The following STAC variants were observed in gnomAD, a reference collection of about 807,000 sequenced individuals.
STAC encodes the protein SH3 and cysteine-rich domain-containing protein.
In STAC, 43 loss-of-function variants were observed where a neutral mutation model predicts 48.8. That is an observed-to-expected ratio of 0.88 (90% CI 0.69 to 1.14). The LOEUF is 1.14. Ranked by LOEUF, STAC falls within the 50% of genes most tolerant of loss-of-function variation. The probability of loss-of-function intolerance (pLI) is 0.00; values close to 1 mark genes in which losing one functional copy is unlikely to be tolerated. For synonymous variants in STAC, 193 were observed against 179.5 expected (o/e 1.07, Z -0.60); for missense variants, 497 against 504.0 (o/e 0.99, Z 0.13).
At chr3:36,488,433 C>T (rs1271576878) in intron 5 of STAC, among the ~76,000 whole-genome samples, 3 of 152,206 alleles carry the variant, frequency 2.0e-5, no homozygotes, top group African/African-American at 7.2e-5. Context: ...CAGCCCATCT[C>T]CTTCTCTGAT....
chr3:36,398,122 T>C (rs1699890783), intron 1 of STAC, among the ~76,000 whole-genome samples: 1 of 152,040 alleles, frequency 6.6e-6, no homozygotes, highest in Non-Finnish European at 1.5e-5. Flanking sequence ...TCTAGCTCTC[T>C]GAGCCCGTGC....
At chr3:36,491,249 C>T (rs771772645) in intron 5 of STAC, among the ~76,000 whole-genome samples, 6 of 152,112 alleles carry the variant, frequency 3.9e-5, no homozygotes, top group African/African-American at 1.2e-4. Flanking sequence ...CCAAGGCTGC[C>T]GAGGCATTTG....
intron 8 of STAC, among the ~76,000 whole-genome samples, chr3:36,526,351 C>A (rs1307694424): frequency 6.6e-6 from 1 of 152,138 alleles, no homozygotes; most frequent in Non-Finnish European, 1.5e-5. Context: ...TCTGAACTGG[C>A]CTTGAGACTT....
intron 2 of STAC, among the ~76,000 whole-genome samples, chr3:36,464,807 C>T (rs1697119528): frequency 6.6e-6 from 1 of 151,522 alleles, no homozygotes; most frequent in African/African-American, 2.4e-5. Flanking sequence ...GAGTAGTATT[C>T]CATGGTGTGT....
intron 1 of STAC, among the ~76,000 whole-genome samples, chr3:36,395,639 C>A (rs762633057): frequency 1.3e-5 from 2 of 152,064 alleles, no homozygotes; most frequent in Non-Finnish European, 2.9e-5. Flanking sequence ...ACCAACAGAG[C>A]AAAAGGGGCT....
intron 6 of STAC, among the ~76,000 whole-genome samples, chr3:36,498,816 A>T (rs535253288): frequency 6.6e-6 from 1 of 152,258 alleles, no homozygotes; most frequent in South Asian, 2.1e-4. Flanking sequence ...ACTTGTGGAG[A>T]ATTTTCCAGA....
intron 5 of STAC, among the ~76,000 whole-genome samples, chr3:36,492,654 G>A (rs1002303006): frequency 2.0e-5 from 3 of 152,168 alleles, no homozygotes; most frequent in African/African-American, 4.8e-5. Flanking sequence ...ACTTTAAAAA[G>A]AGAGTCAGGA....
chr3:36,497,382 A>G (rs1698175643), intron 6 of STAC, among the ~76,000 whole-genome samples: 1 of 152,158 alleles, frequency 6.6e-6, no homozygotes, highest in Non-Finnish European at 1.5e-5. Context: ...ATTCTAGTTA[A>G]TGCATGGCTG....
chr3:36,531,274 T>C (rs1002222550), intron 10 of STAC, among the ~76,000 whole-genome samples: 2 of 151,588 alleles, frequency 1.3e-5, no homozygotes, highest in South Asian at 2.1e-4. Flanking sequence ...GGAGACTTTA[T>C]GCAAAAAGAC....
intron 2 of STAC, among the ~76,000 whole-genome samples, chr3:36,449,302 G>A (rs6764548): frequency 0.87 from 132,481 of 152,016 alleles, 57,963 homozygotes; most frequent in African/African-American, 0.95. Flanking sequence ...GCAGTGGGAC[G>A]AATGGATTGT....
At chr3:36,396,553 G>A (rs1274667745) in intron 1 of STAC, among the ~76,000 whole-genome samples, 1 of 152,108 alleles carries the variant, frequency 6.6e-6, no homozygotes, top group Non-Finnish European at 1.5e-5. Context: ...GAATGCTCAG[G>A]AAAGGAGTCA....
intron 1 of STAC, among the ~76,000 whole-genome samples, chr3:36,393,912 T>C (rs1699802067): frequency 6.6e-6 from 1 of 152,010 alleles, no homozygotes; most frequent in African/African-American, 2.4e-5. Context: ...GTAAGTTTTG[T>C]TTCAGAAACC....
At chr3:36,410,874 ACAAT>A (rs1464800718) in intron 1 of STAC, among the ~76,000 whole-genome samples, 1 of 152,190 alleles carries the variant, frequency 6.6e-6, no homozygotes, top group Non-Finnish European at 1.5e-5. Flanking sequence ...TCTGGCTCAT[ACAAT>A]CAGTTTGTGT....
At chr3:36,485,126 C>A in intron 4 of STAC, 68 bp downstream of exon 4, 1 of 1,348,376 alleles carries the variant, frequency 7.4e-7, no homozygotes, top group Non-Finnish European at 1.0e-6. Context: ...GGCTACTGTC[C>A]TCCCATGGCT....
intron 5 of STAC, among the ~76,000 whole-genome samples, chr3:36,492,182 A>C (rs1445205637): frequency 6.7e-6 from 1 of 150,026 alleles, no homozygotes; most frequent in African/African-American, 2.5e-5. Flanking sequence ...ATGCTAGTAA[A>C]TGTTTAACAA....
chr3:36,419,002 G>A (rs563262564), intron 1 of STAC, among the ~76,000 whole-genome samples: 1 of 148,646 alleles, frequency 6.7e-6, no homozygotes, highest in Admixed American at 6.8e-5. Context: ...AGCCGAGATC[G>A]CGCCATTGCA....
chr3:36,456,323 A>G (rs914860669), intron 2 of STAC, among the ~76,000 whole-genome samples: 1 of 152,190 alleles, frequency 6.6e-6, no homozygotes, highest in East Asian at 1.9e-4. Flanking sequence ...GCCTGATGTT[A>G]TCCTAATATT....
intron 6 of STAC, among the ~76,000 whole-genome samples, chr3:36,498,534 G>A (rs1325048664): frequency 6.6e-6 from 1 of 152,134 alleles, no homozygotes; most frequent in Non-Finnish European, 1.5e-5. Flanking sequence ...TAGGAGAATT[G>A]CTTGAGCCCG....
At chr3:36,384,116 G>A (rs1575166907) in intron 1 of STAC, among the ~76,000 whole-genome samples, 1 of 152,146 alleles carries the variant, frequency 6.6e-6, no homozygotes, top group Non-Finnish European at 1.5e-5. Flanking sequence ...TTAAGGGCTT[G>A]ACAGAGACCA....
Sources: allele counts gnomAD v4.1 joint callset (sites outside exome capture counted in the v4.1 genomes callset), GRCh38; gene constraint gnomAD v4.1.1; transcripts MANE v1.5; gene names NCBI Gene and HGNC (gene_info 2026-07-23, HGNC 2026-07-21).